MEGF11: variants seen among roughly 807,000 people sequenced by gnomAD.
MEGF11 encodes the protein multiple EGF like domains 11, also known as multiple epidermal growth factor-like domains protein 11.
A neutral mutation model predicts 146.6 loss-of-function variants in MEGF11; 126 were observed. The observed-to-expected ratio is 0.86, with a 90% CI of 0.74 to 1.00. MEGF11 has a LOEUF of 1.00. MEGF11 is among the 50% of genes least tolerant of loss of function. The pLI, the probability that MEGF11 is intolerant of heterozygous loss-of-function variation, is 0.00. For synonymous variants in MEGF11, 532 were observed against 583.4 expected (o/e 0.91, Z 1.27); for missense variants, 1,509 against 1,521.2 (o/e 0.99, Z 0.13).
chr15:65,964,454 T>A lies in MEGF11; in HGVS notation c.1112+454A>T, dbSNP rs1047632814. ...CCTTCGAGTCCTGACCTTCTGCAGC[T>A]CAAGCCTCTACTTCTGCCCTGGTGC... is the stretch of plus-strand genomic sequence containing the variant. On this transcript the variant is annotated intron_variant, in intron 9 of 25. Transcript: ENST00000395614. Among the ~76,000 whole-genome samples, 8 of 152,312 alleles carry A rather than the reference T, an allele frequency of 5.3e-5. No individual in the cohort carries two copies. In the East Asian group the frequency reaches 1.5e-3, roughly 29 times the overall value.
At chr15:66,036,135 C>T (rs180714462) in intron 5 of MEGF11, among the ~76,000 whole-genome samples, 3 of 152,378 alleles carry the variant, frequency 2.0e-5, no homozygotes, top group South Asian at 2.1e-4. Flanking sequence ...CTTCAACCAA[C>T]GGGAACAGGG....
rs1172547645 is a variant in MEGF11, at chr15:65,949,954, T to G, written c.1287+7593A>C. Among the ~76,000 whole-genome samples the G allele has an allele frequency of 2.0e-5, 3 of 152,196 alleles. No homozygotes were observed. In the East Asian group the frequency reaches 5.8e-4, roughly 29 times the overall value. ...GGAAGTCTATTCTCGGTTCTGTGGC[T>G]GCTCTTGGGAACCCAGGAGCCCTTC... On this transcript the variant is annotated intron_variant, in intron 10 of 25. Coordinates refer to ENST00000395614, the MANE Select transcript of MEGF11 (RefSeq NM_001385028.1).
chr15:66,067,024 C>T (rs1216546886), intron 5 of MEGF11, among the ~76,000 whole-genome samples: 3 of 152,136 alleles, frequency 2.0e-5, no homozygotes, highest in Admixed American at 6.5e-5. Context: ...CTCTGGGCTT[C>T]GGTTTTCTCA....
intron 10 of MEGF11, among the ~76,000 whole-genome samples, chr15:65,953,747 T>A (rs1377853157): frequency 6.6e-6 from 1 of 151,634 alleles, no homozygotes; most frequent in African/African-American, 2.4e-5. Flanking sequence ...TGGAAGTGTG[T>A]GAAGGCCAAT....
At chr15:66,235,070 G>A (rs1464610079) in intron 1 of MEGF11, among the ~76,000 whole-genome samples, 2 of 152,194 alleles carry the variant, frequency 1.3e-5, no homozygotes, top group African/African-American at 4.8e-5. Flanking sequence ...CGCTTTCCCT[G>A]AAAACCCATT....
chr15:65,946,833 T>G (rs1181616935), intron 10 of MEGF11, among the ~76,000 whole-genome samples: 2 of 152,154 alleles, frequency 1.3e-5, no homozygotes, highest in Non-Finnish European at 2.9e-5. Flanking sequence ...AGACCCCACC[T>G]TGGCATGCAG....
intron 1 of MEGF11, among the ~76,000 whole-genome samples, chr15:66,188,919 C>G (rs2090791860): frequency 6.6e-6 from 1 of 152,144 alleles, no homozygotes; most frequent in African/African-American, 2.4e-5. Flanking sequence ...CAGATGCTTC[C>G]CAGTCAGCAG....
intron 5 of MEGF11, among the ~76,000 whole-genome samples, chr15:65,991,230 A>G (rs1400225244): frequency 1.3e-5 from 2 of 152,166 alleles, no homozygotes; most frequent in Non-Finnish European, 2.9e-5. Flanking sequence ...GAGCACACGC[A>G]CGTGGGGAAA....
chr15:66,128,525 G>C (rs2088491109), intron 1 of MEGF11, 114 bp from the exon 2 acceptor site: 2 of 537,722 alleles, frequency 3.7e-6, no homozygotes. Flanking sequence ...TGCAGGCTTT[G>C]ACTAACACTG....
At chr15:66,123,284 T>G (rs1220898692) in intron 3 of MEGF11, among the ~76,000 whole-genome samples, 3 of 152,320 alleles carry the variant, frequency 2.0e-5, no homozygotes, top group Middle Eastern at 3.4e-3. Context: ...AAGGAAAGCC[T>G]GGTCAAGGTG....
Position 65,972,991 on chromosome 15 carries a change from C to G in MEGF11, c.763-2302G>C, listed in dbSNP as rs187922026. Among the ~76,000 whole-genome samples, 44 of 152,212 alleles carry G rather than the reference C, an allele frequency of 2.9e-4. No homozygotes were observed. In the East Asian group the frequency reaches 6.0e-3, roughly 21 times the overall value. On this transcript the variant is annotated intron_variant, in intron 7 of 25. Transcript: ENST00000395614. ...AATTAACCGGGCGTGGTGGCACATG[C>G]CTGTAATCCCAGCTACTGGGGAGGC... is the stretch of plus-strand genomic sequence containing the variant.
chr15:65,981,966 C>G (rs1373384353), intron 6 of MEGF11, among the ~76,000 whole-genome samples: 1 of 152,192 alleles, frequency 6.6e-6, no homozygotes, highest in Non-Finnish European at 1.5e-5. Flanking sequence ...CAGGAAGGAC[C>G]AGTCAACGCG....
intron 1 of MEGF11, among the ~76,000 whole-genome samples, chr15:66,220,819 G>A (rs1465315109): frequency 6.6e-6 from 1 of 152,146 alleles, no homozygotes; most frequent in Non-Finnish European, 1.5e-5. Flanking sequence ...TTACAGGCAT[G>A]TGCTACCATG....
rs766987232 is a variant in MEGF11 at position 65,970,538 on chromosome 15, T to A, written c.899+15A>T. The A allele has an allele frequency of 4.3e-6, 7 of 1,612,232 alleles. No homozygotes were observed. The highest frequency in any genetic ancestry group is 5.9e-6 in the Non-Finnish European group (7 of 1,178,674). The stretch of plus-strand genomic sequence containing the variant: ...TAAAATGGACAGCAAAGATAACAGT[T>A]AACACTATCCTTACCTGTCCCCCAT... On this transcript the variant is annotated intron_variant, in intron 8 of 25. Transcript: ENST00000395614.
Position 66,028,954 on chromosome 15 carries a change from CA to C in MEGF11, c.395-46467del, listed in dbSNP as rs2083426523. On this transcript the variant is annotated intron_variant, in intron 5 of 25. Coordinates refer to ENST00000395614, the MANE Select transcript of MEGF11 (RefSeq NM_001385028.1). ...TTGTTGTAATGCCATTTTCACAATG[CA>C]AAAGTTAGATAGCCAAATAATAAAT... Among the ~76,000 whole-genome samples the C allele has an allele frequency of 4.6e-5, 7 of 152,172 alleles. No individual in the cohort carries two copies. In the South Asian group the frequency reaches 1.5e-3, roughly 32 times the overall value.
At chr15:66,077,977 G>A (rs1346640993) in intron 5 of MEGF11, among the ~76,000 whole-genome samples, 2 of 152,190 alleles carry the variant, frequency 1.3e-5, no homozygotes, top group Non-Finnish European at 2.9e-5. Context: ...GCAATAGAGA[G>A]CAGGGACACA....
chr15:66,099,334 C>T (rs1210319210), intron 4 of MEGF11, among the ~76,000 whole-genome samples: 1 of 152,044 alleles, frequency 6.6e-6, no homozygotes, highest in African/African-American at 2.4e-5. Flanking sequence ...AGGCACGCGC[C>T]ACCAAGCCCG....
At chr15:66,096,180 T>A (rs2086545079) in intron 4 of MEGF11, among the ~76,000 whole-genome samples, 1 of 152,148 alleles carries the variant, frequency 6.6e-6, no homozygotes, top group African/African-American at 2.4e-5. Flanking sequence ...GGTCCCTGCA[T>A]GCTCCACAGC....
chr15:66,112,187 C>A (rs1389084697), intron 4 of MEGF11, among the ~76,000 whole-genome samples: 5 of 151,380 alleles, frequency 3.3e-5, no homozygotes, highest in Admixed American at 3.3e-4. Flanking sequence ...GCTAATAGAA[C>A]TAATCGCTCG....
Sources: gnomAD v4.1 joint callset for allele counts (sites outside exome capture counted in the v4.1 genomes callset) on GRCh38, gnomAD v4.1.1 for gene constraint, MANE v1.5 for transcripts, NCBI Gene and HGNC (gene_info 2026-07-23, HGNC 2026-07-21) for gene names.